Variants in KCNMA1 observed in about 807,000 individuals in gnomAD.
KCNMA1 encodes the protein potassium calcium-activated channel subfamily M alpha 1.
KCNMA1 carries 29 observed loss-of-function variants against 140.0 expected under a neutral mutation model. The observed-to-expected ratio is 0.21, with a 90% CI of 0.15 to 0.28. The LOEUF (loss-of-function observed/expected upper bound fraction) is 0.28, where lower values mean the gene tolerates loss of function less well. Among genes scored for constraint, KCNMA1 ranks in the 10% least tolerant of loss-of-function variants. KCNMA1 has a pLI of 1.00. For missense variants in KCNMA1, 880 were observed against 1,602.2 expected (o/e 0.55, Z 7.70); for synonymous variants, 612 against 611.9 (o/e 1.00, Z 0.00).
chr10:77,517,455 G>A (rs2050974130), intron 1 of KCNMA1, among the ~76,000 whole-genome samples: 1 of 152,228 alleles, frequency 6.6e-6, no homozygotes, highest in Non-Finnish European at 1.5e-5. Context: ...CCAGTGCAGT[G>A]CAGGACATGG....
At chr10:77,235,783 A>G (rs2055222412) in intron 3 of KCNMA1, among the ~76,000 whole-genome samples, 1 of 152,146 alleles carries the variant, frequency 6.6e-6, no homozygotes, top group Admixed American at 6.5e-5. Context: ...GCCTTCCTCA[A>G]GAGAGGCCTC....
intron 13 of KCNMA1, chr10:77,077,891 G>A (rs1231075677): frequency 6.6e-6 from 1 of 152,204 alleles, no homozygotes; most frequent in Admixed American, 6.5e-5. Flanking sequence ...AGGCGAATGT[G>A]ACCTTGGGTG....
intron 3 of KCNMA1, among the ~76,000 whole-genome samples, chr10:77,214,405 C>A (rs545458402): frequency 1.3e-5 from 2 of 152,106 alleles, no homozygotes; most frequent in African/African-American, 4.8e-5. Flanking sequence ...CACTTACAGG[C>A]GCCCAGCACA....
intron 3 of KCNMA1, among the ~76,000 whole-genome samples, chr10:77,207,073 A>G (rs2044384927): frequency 6.6e-6 from 1 of 152,158 alleles, no homozygotes; most frequent in African/African-American, 2.4e-5. Context: ...TTTTTGACTT[A>G]CACTTAACCA....
intron 2 of KCNMA1, among the ~76,000 whole-genome samples, chr10:77,294,209 A>G (rs1385136720): frequency 6.6e-6 from 1 of 152,210 alleles, no homozygotes; most frequent in Non-Finnish European, 1.5e-5. Context: ...TCTAGTGAAC[A>G]TGTTTGTCCT....
chr10:77,146,701 C>CAAAAAA (rs5786266), intron 5 of KCNMA1, among the ~76,000 whole-genome samples: 106 of 64,156 alleles, frequency 1.7e-3, no homozygotes, highest in Non-Finnish European at 2.4e-3. Flanking sequence ...GACTTCATCT[C>CAAAAAA]AAAAAAAAAA....
chr10:77,536,743 C>T (rs2058981847), intron 1 of KCNMA1, among the ~76,000 whole-genome samples: 1 of 152,170 alleles, frequency 6.6e-6, no homozygotes, highest in African/African-American at 2.4e-5. Context: ...CTTCAGAAGT[C>T]ATTGACTAAA....
chr10:77,050,287 T>C (rs11001994), intron 14 of KCNMA1, among the ~76,000 whole-genome samples: 5 of 142,954 alleles, frequency 3.5e-5, no homozygotes, highest in East Asian at 4.1e-4. Flanking sequence ...AAAAAAAAAA[T>C]AAAAAAACAA....
intron 3 of KCNMA1, among the ~76,000 whole-genome samples, chr10:77,235,341 C>G (rs1394870648): frequency 6.6e-6 from 1 of 152,170 alleles, no homozygotes; most frequent in Admixed American, 6.5e-5. Flanking sequence ...TGGCTTTGAC[C>G]TCATCAAGTT....
At chr10:77,135,004 A>AAG (rs2097965845) in intron 5 of KCNMA1, among the ~76,000 whole-genome samples, 1 of 131,470 alleles carries the variant, frequency 7.6e-6, no homozygotes, top group African/African-American at 2.8e-5. Context: ...TCTCAAAAAA[A>AAG]AAAAAAAAAA....
chr10:77,082,002 CTTTTCTTTTTTTTT>C (rs1474677666), intron 12 of KCNMA1, among the ~76,000 whole-genome samples: 937 of 51,616 alleles, frequency 0.018, 37 homozygotes, highest in African/African-American at 0.04. Flanking sequence ...TTCTTTTTTT[CTTTTCTTTTTTTTT>C]TTTTTTTTTT....
chr10:77,076,287 T>G (rs1341890959), intron 13 of KCNMA1, among the ~76,000 whole-genome samples: 3 of 152,090 alleles, frequency 2.0e-5, no homozygotes, highest in African/African-American at 2.4e-5. Context: ...AAAAATCCAC[T>G]GAGAGGTAAA....
intron 1 of KCNMA1, among the ~76,000 whole-genome samples, chr10:77,578,640 A>G (rs909897481): frequency 2.6e-5 from 4 of 152,166 alleles, no homozygotes; most frequent in African/African-American, 7.2e-5. Flanking sequence ...ACAAAGAAAG[A>G]GATCTCATCT....
chr10:77,625,168 C>T (rs951397881), intron 1 of KCNMA1, among the ~76,000 whole-genome samples: 60 of 151,994 alleles, frequency 3.9e-4, no homozygotes, highest in African/African-American at 1.1e-3. Context: ...CTGAGGCGGG[C>T]GGATCACGAG....
intron 1 of KCNMA1, among the ~76,000 whole-genome samples, chr10:77,574,550 T>C (rs1273415420): frequency 1.3e-5 from 2 of 152,212 alleles, no homozygotes; most frequent in East Asian, 3.8e-4. Flanking sequence ...AATTCTCTCT[T>C]TTTCAGGATG....
At chr10:77,433,355 G>A (rs1252117007) in intron 1 of KCNMA1, among the ~76,000 whole-genome samples, 1 of 152,160 alleles carries the variant, frequency 6.6e-6, no homozygotes, top group East Asian at 1.9e-4. Context: ...GTTTCACCAT[G>A]TTGGTCAGGC....
intron 1 of KCNMA1, among the ~76,000 whole-genome samples, chr10:77,632,329 C>T (rs1287197933): frequency 2.6e-5 from 4 of 152,168 alleles, no homozygotes; most frequent in East Asian, 3.8e-4. Context: ...GAGACCGTGA[C>T]ATCACTTGGG....
chr10:77,190,351 T>C (rs533054182), intron 3 of KCNMA1, among the ~76,000 whole-genome samples: 23 of 152,306 alleles, frequency 1.5e-4, no homozygotes, highest in African/African-American at 4.6e-4. Context: ...AAAGTAGATA[T>C]TGTACTATAA....
At chr10:77,360,634 C>T (rs1055536454) in intron 2 of KCNMA1, among the ~76,000 whole-genome samples, 1 of 152,224 alleles carries the variant, frequency 6.6e-6, no homozygotes, top group African/African-American at 2.4e-5. Context: ...GGCCTTCACT[C>T]TTCCCAGTTT....
Sources: gnomAD v4.1 joint callset for allele counts (sites outside exome capture counted in the v4.1 genomes callset) on GRCh38, gnomAD v4.1.1 for gene constraint, MANE v1.5 for transcripts, NCBI Gene and HGNC (gene_info 2026-07-23, HGNC 2026-07-21) for gene names.